Variants in NFATC2 observed in about 807,000 individuals in gnomAD.
NFATC2 encodes nuclear factor of activated T cells 2.
NFATC2 carries 22 observed loss-of-function variants against 87.3 expected under a neutral mutation model. The observed-to-expected ratio is 0.25, with a 90% confidence interval of 0.18 to 0.36. The LOEUF (loss-of-function observed/expected upper bound fraction) is 0.36, where lower values mean the gene tolerates loss of function less well. Ranked by LOEUF, NFATC2 falls within the 10% of genes least tolerant of loss-of-function variation. The pLI is 1.00. For synonymous variants in NFATC2, 565 were observed against 542.2 expected (o/e 1.04, Z -0.58); for missense variants, 1,149 against 1,259.1 (o/e 0.91, Z 1.32).
At chr20:51,471,625 G>C (rs1466500725) in intron 5 of NFATC2, among the ~76,000 whole-genome samples, 3 of 152,122 alleles carry the variant, frequency 2.0e-5, no homozygotes, top group Non-Finnish European at 4.4e-5. Context: ...GACCAACCAA[G>C]ACCAAGTTCT....
At chr20:51,443,552 G>A (rs1035890119) in intron 6 of NFATC2, among the ~76,000 whole-genome samples, 4 of 152,152 alleles carry the variant, frequency 2.6e-5, no homozygotes, top group Admixed American at 6.5e-5. Context: ...GAATATGGGT[G>A]CAGACAAGGA....
intron 9 of NFATC2, among the ~76,000 whole-genome samples, chr20:51,417,548 G>T (rs1980213608): frequency 6.6e-6 from 1 of 152,224 alleles, no homozygotes; most frequent in Admixed American, 6.5e-5. Context: ...CCTCAAAGAG[G>T]TTGGTCCTGA....
intron 10 of NFATC2, among the ~76,000 whole-genome samples, chr20:51,393,855 G>A (rs1210663869): frequency 6.6e-6 from 1 of 152,170 alleles, no homozygotes; most frequent in African/African-American, 2.4e-5. Context: ...CTGGCACCAA[G>A]GCCCTCTCGA....
chr20:51,419,913 C>T (rs1210368946), intron 9 of NFATC2, among the ~76,000 whole-genome samples: 1 of 151,830 alleles, frequency 6.6e-6, no homozygotes, highest in Non-Finnish European at 1.5e-5. Flanking sequence ...CATATTATTT[C>T]AGTCCTTCAA....
intron 1 of NFATC2, among the ~76,000 whole-genome samples, chr20:51,552,956 A>T (rs1194372738): frequency 6.6e-6 from 1 of 151,948 alleles, no homozygotes; most frequent in Admixed American, 6.6e-5. Context: ...ATTTATCCTG[A>T]TGCTCTCCCT....
rs971814193 is a variant in NFATC2, at chr20:51,389,625, G to A, written c.*1871C>T. The stretch of plus-strand genomic sequence containing the variant: ...ACTCTTTGAGCTTAGGGTGGGTGAG[G>A]GAAAGGTCGTTCATTGTCAGGGAAA... On this transcript the variant is annotated 3_prime_UTR_variant, in exon 11 of 11. Transcript: ENST00000371564. 3 of 152,128 alleles carry A rather than the reference G, an allele frequency of 2.0e-5. No homozygotes were observed. Among genetic ancestry groups the A allele is most frequent in the Non-Finnish European group, 2.9e-5 (2 of 68,028 alleles). 9.4% of individuals were successfully genotyped at this position (152,128 alleles called of 1,614,324 possible).
chr20:51,432,351 T>A lies in NFATC2; in HGVS notation c.2438A>T (p.Tyr813Phe). Residue 813 changes from tyrosine to phenylalanine, a missense_variant, in exon 9 of 11, where the codon TAC becomes TTC. This residue lies in a region of NFATC2 where 581 missense variants were observed against 649.7 expected (regional missense o/e 0.89). Transcript: ENST00000371564. The surrounding 1 kb of genome is among the most constrained non-coding windows in gnomAD (Gnocchi z 4.6). ...TNQQASPVIH[Y>F]SPTNQQLRCG... The stretch of plus-strand genomic sequence containing the variant: ...GCGCAGCTGCTGGTTGGTGGGTGAG[T>A]AGTGGATCACAGGCGAGGCCTGCTG... The A allele has an allele frequency of 6.2e-7, 1 of 1,613,720 alleles. No homozygotes were observed. Among genetic ancestry groups the A allele is most frequent in the African/African-American group, 1.3e-5 (1 of 74,942 alleles).
chr20:51,484,897 G>A (rs528295006), intron 3 of NFATC2, among the ~76,000 whole-genome samples: 106 of 152,348 alleles, frequency 7.0e-4, no homozygotes, highest in African/African-American at 2.1e-3. Context: ...GTGATCAGCC[G>A]CCCTGCTGAT....
intron 9 of NFATC2, among the ~76,000 whole-genome samples, chr20:51,427,755 C>A (rs1262550898): frequency 6.6e-6 from 1 of 152,190 alleles, no homozygotes; most frequent in East Asian, 1.9e-4. Context: ...CCAAAGGCCG[C>A]CTCTTCAGAG....
At position 51,387,312 on chromosome 20, in the gene NFATC2, T is replaced by C. The variant is rs571554289; in HGVS notation, c.*4184A>G. 2 of 152,238 alleles carry C rather than the reference T, an allele frequency of 1.3e-5. No homozygotes were observed. Among genetic ancestry groups the C allele is most frequent in the African/African-American group, 4.8e-5 (2 of 41,466 alleles). 9.4% of individuals were successfully genotyped at this position (152,238 alleles called of 1,614,324 possible). The stretch of plus-strand genomic sequence containing the variant: ...AGAATGCTGTGAGCACCTGCTCTAA[T>C]GGAAACAACATCATTTGCATCCATT... On this transcript the variant is annotated 3_prime_UTR_variant, in exon 11 of 11. Transcript: ENST00000371564.
intron 1 of NFATC2, among the ~76,000 whole-genome samples, chr20:51,552,037 A>AAT (rs1349410463): frequency 1.3e-5 from 2 of 151,518 alleles, no homozygotes; most frequent in Non-Finnish European, 2.9e-5. Context: ...AAAAAAAAAA[A>AAT]AATGTGTATT....
At chr20:51,554,299 T>C (rs2076959349) in intron 1 of NFATC2, among the ~76,000 whole-genome samples, 1 of 152,232 alleles carries the variant, frequency 6.6e-6, no homozygotes, top group Admixed American at 6.5e-5. Flanking sequence ...GACTTTCAAA[T>C]GCAAACAGGC....
At chr20:51,404,634 TTGA>T (rs1169208318) in intron 9 of NFATC2, among the ~76,000 whole-genome samples, 1 of 152,244 alleles carries the variant, frequency 6.6e-6, no homozygotes. Context: ...ACAGACTGAA[TTGA>T]TGATGGCCAG....
chr20:51,494,617 G>C (rs535812276), intron 3 of NFATC2, among the ~76,000 whole-genome samples: 19 of 152,226 alleles, frequency 1.2e-4, no homozygotes, highest in Middle Eastern at 3.4e-3. Context: ...CGCCTTGAGG[G>C]ACTGGCACTT....
At chr20:51,512,506 T>TC (rs2076288042) in intron 3 of NFATC2, among the ~76,000 whole-genome samples, 1 of 152,106 alleles carries the variant, frequency 6.6e-6, no homozygotes, top group African/African-American at 2.4e-5. Flanking sequence ...AGTGAGACAT[T>TC]CCCCATACAA....
intron 9 of NFATC2, among the ~76,000 whole-genome samples, chr20:51,407,863 C>T (rs1266069652): frequency 6.6e-6 from 1 of 152,244 alleles, no homozygotes; most frequent in Non-Finnish European, 1.5e-5. Context: ...ATATCTCCAT[C>T]CTGAGCTTAT....
intron 6 of NFATC2, among the ~76,000 whole-genome samples, chr20:51,445,145 TG>T (rs1282746876): frequency 1.3e-5 from 2 of 152,184 alleles, no homozygotes; most frequent in Non-Finnish European, 2.9e-5. Context: ...CCTGTTGCTT[TG>T]GGAATTCAAT....
At chr20:51,435,072 A>G (rs371072667) in intron 8 of NFATC2, 116 bp downstream of exon 8, 37 of 1,294,356 alleles carry the variant, frequency 2.9e-5, no homozygotes, top group East Asian at 1.4e-4. Flanking sequence ...ACTGAGGCTC[A>G]GAGAGGTTGA....
At chr20:51,417,588 A>G (rs1980222781) in intron 9 of NFATC2, among the ~76,000 whole-genome samples, 1 of 152,096 alleles carries the variant, frequency 6.6e-6, no homozygotes, top group African/African-American at 2.4e-5. Flanking sequence ...GCCCGTCCCC[A>G]TCGTCACTTT....
Sources: gnomAD v4.1 joint callset for allele counts (sites outside exome capture counted in the v4.1 genomes callset) on GRCh38, gnomAD v4.1.1 for gene constraint, gnomAD v4.1.1 regional missense constraint, Gnocchi (gnomAD v3.1) non-coding constraint, MANE v1.5 for transcripts, NCBI Gene and HGNC (gene_info 2026-07-23, HGNC 2026-07-21) for gene names.